FER: variants seen among roughly 807,000 people sequenced by gnomAD.
FER encodes FER tyrosine kinase, also known as tyrosine-protein kinase Fer.
In FER, 63 loss-of-function variants were observed where a neutral mutation model predicts 111.0. The observed-to-expected ratio is 0.57, with a 90% CI of 0.46 to 0.70. The LOEUF (loss-of-function observed/expected upper bound fraction) is 0.70, where lower values mean the gene tolerates loss of function less well. FER is among the 30% of genes least tolerant of loss of function. FER has a pLI of 0.00. For missense variants in FER, 914 were observed against 954.0 expected (o/e 0.96, Z 0.55); for synonymous variants, 327 against 313.9 (o/e 1.04, Z -0.44).
chr5:108,770,284 T>G (rs866469584), intron 2 of FER, among the ~76,000 whole-genome samples: 2 of 152,166 alleles, frequency 1.3e-5, no homozygotes, highest in African/African-American at 4.8e-5. Context: ...TTGAATTTTA[T>G]CTGACTTCAG....
chr5:109,066,606 C>T (rs75082843), intron 16 of FER, among the ~76,000 whole-genome samples: 6,998 of 151,716 alleles, frequency 0.046, 225 homozygotes, highest in South Asian at 0.093. Context: ...GGAGATGCAA[C>T]GATTAATTTA....
chr5:109,150,874 A>G (rs576845021), intron 17 of FER, among the ~76,000 whole-genome samples: 2 of 152,306 alleles, frequency 1.3e-5, no homozygotes, highest in East Asian at 3.9e-4. Context: ...TTTATCTTAC[A>G]TAACTGAGTC....
intron 3 of FER, chr5:108,818,150 A>G: frequency 6.6e-6 from 1 of 152,200 alleles, no homozygotes; most frequent in East Asian, 1.9e-4. Context: ...AAAATTGGCC[A>G]TATGCGGTAG....
intron 13 of FER, among the ~76,000 whole-genome samples, chr5:108,976,997 A>G (rs569014913): frequency 6.6e-6 from 1 of 152,358 alleles, no homozygotes; most frequent in East Asian, 1.9e-4. Flanking sequence ...AAAAATTCAC[A>G]AGAACCACAA....
In FER at chr5:108,858,772, T is replaced by C. The variant is rs1300219757; in HGVS notation, c.482-8995T>C. On this transcript the variant is annotated intron_variant, in intron 5 of 19. Transcript: ENST00000281092. ...GTTGGTAGACAGTTTTTTCATTTTT[T>C]TTTTTTTTTTTTTCTGTCCTCACAG... Among the ~76,000 whole-genome samples, 427 of 150,998 alleles carry C rather than the reference T, an allele frequency of 2.8e-3. 1 individual carries two copies. The highest frequency in any genetic ancestry group is 9.6e-3 in the African/African-American group (396 of 41,288).
chr5:109,050,758 A>G, intron 16 of FER, among the ~76,000 whole-genome samples: 1 of 152,230 alleles, frequency 6.6e-6, no homozygotes, highest in East Asian at 1.9e-4. Flanking sequence ...AAAATATAGT[A>G]GCACAAGTCC....
chr5:108,869,573 C>T (rs939619392), intron 6 of FER, among the ~76,000 whole-genome samples: 1 of 152,094 alleles, frequency 6.6e-6, no homozygotes, highest in African/African-American at 2.4e-5. Flanking sequence ...CAGAGAGAGA[C>T]ACAGAGAAGG....
At chr5:108,867,616 G>A in intron 5 of FER, 151 bp from the exon 6 acceptor site, 1 of 736,988 alleles carries the variant, frequency 1.4e-6, no homozygotes, top group Non-Finnish European at 2.2e-6. Context: ...CTTGCATAAA[G>A]CTAAGCACAT....
chr5:108,820,670 C>A, intron 3 of FER: 2 of 327,974 alleles, frequency 6.1e-6, no homozygotes, highest in Non-Finnish European at 8.7e-6. Flanking sequence ...TGCAGCTCAG[C>A]ATCTTTGGTA....
At chr5:108,875,525 TGAATA>T (rs1765001195) in intron 8 of FER, among the ~76,000 whole-genome samples, 1 of 152,114 alleles carries the variant, frequency 6.6e-6, no homozygotes, top group Non-Finnish European at 1.5e-5. Flanking sequence ...ACTATTTAAT[TGAATA>T]ATTTGGGACT....
chr5:108,748,514 C>T (rs1466937679), intron 1 of FER: 2 of 152,368 alleles, frequency 1.3e-5, no homozygotes, highest in Non-Finnish European at 2.9e-5. Flanking sequence ...CCTGTGAGGC[C>T]TTCGTCCGTC....
intron 17 of FER, among the ~76,000 whole-genome samples, chr5:109,170,554 C>G (rs1757001628): frequency 6.6e-6 from 1 of 152,096 alleles, no homozygotes; most frequent in Non-Finnish European, 1.5e-5. Context: ...GACATCTATG[C>G]CTCTGAGTGT....
intron 13 of FER, among the ~76,000 whole-genome samples, chr5:109,008,455 C>A (rs1456999952): frequency 6.6e-6 from 1 of 152,104 alleles, no homozygotes; most frequent in Non-Finnish European, 1.5e-5. Flanking sequence ...GAAACACTTG[C>A]ACACTCCACC....
At chr5:109,146,702 C>G (rs188456769) in intron 17 of FER, among the ~76,000 whole-genome samples, 1 of 152,092 alleles carries the variant, frequency 6.6e-6, no homozygotes, top group East Asian at 1.9e-4. Flanking sequence ...CAAAGTGACA[C>G]ATCGATTTGA....
At chr5:109,080,026 T>TACCAAA (rs1776806394) in intron 16 of FER, among the ~76,000 whole-genome samples, 1 of 152,162 alleles carries the variant, frequency 6.6e-6, no homozygotes, top group Non-Finnish European at 1.5e-5. Flanking sequence ...AAACTGCTAC[T>TACCAAA]TTTTTGATAA....
At chr5:108,831,109 T>C (rs1759998164) in intron 3 of FER, among the ~76,000 whole-genome samples, 1 of 152,184 alleles carries the variant, frequency 6.6e-6, no homozygotes, top group Non-Finnish European at 1.5e-5. Context: ...GAGGGCAATC[T>C]GACCCAATTG....
At chr5:109,033,960 A>G (rs1770004758) in intron 13 of FER, among the ~76,000 whole-genome samples, 1 of 152,196 alleles carries the variant, frequency 6.6e-6, no homozygotes, top group Non-Finnish European at 1.5e-5. Flanking sequence ...CATATCCATC[A>G]CTTCACATAA....
intron 10 of FER, among the ~76,000 whole-genome samples, chr5:108,910,515 T>A (rs927317344): frequency 1.3e-5 from 2 of 152,208 alleles, no homozygotes; most frequent in Non-Finnish European, 2.9e-5. Context: ...TCAGTAGGTA[T>A]ATGTGCAGGT....
At chr5:109,067,862 A>G (rs1049855788) in intron 16 of FER, among the ~76,000 whole-genome samples, 6 of 152,200 alleles carry the variant, frequency 3.9e-5, no homozygotes, top group African/African-American at 1.4e-4. Flanking sequence ...TCTAGAAAAT[A>G]TAGTGGCTCC....
Sources: allele counts gnomAD v4.1 joint callset (sites outside exome capture counted in the v4.1 genomes callset), GRCh38; gene constraint gnomAD v4.1.1; transcripts MANE v1.5; gene names NCBI Gene and HGNC (gene_info 2026-07-23, HGNC 2026-07-21).